The following CDC123 variants were observed in gnomAD, a reference collection of about 807,000 sequenced individuals.
CDC123 encodes translation initiation factor eIF2 assembly protein.
In CDC123, 37 loss-of-function variants were observed where a neutral mutation model predicts 54.4. That is an observed-to-expected ratio of 0.68 (90% confidence interval 0.52 to 0.89). CDC123 has a LOEUF of 0.89. CDC123 is among the 40% of genes least tolerant of loss of function. CDC123 has a pLI of 0.00. For missense variants in CDC123, 361 were observed against 412.1 expected (o/e 0.88, Z 1.07); for synonymous variants, 144 against 136.8 (o/e 1.05, Z -0.37).
At chr10:12,209,682 A>G (rs775891693) in intron 2 of CDC123, among the ~76,000 whole-genome samples, 1 of 152,176 alleles carries the variant, frequency 6.6e-6, no homozygotes, top group Non-Finnish European at 1.5e-5. Flanking sequence ...CTCCCACCTC[A>G]GCCCCCCAAA....
intron 2 of CDC123, among the ~76,000 whole-genome samples, chr10:12,200,889 T>C (rs1365646482): frequency 6.6e-6 from 1 of 151,790 alleles, no homozygotes; most frequent in Non-Finnish European, 1.5e-5. Flanking sequence ...GCCGAGATCA[T>C]GCCATTGCGC....
Position 12,229,056 on chromosome 10 carries a change from C to T in CDC123, c.441-1892C>T, listed in dbSNP as rs183443818. ...GTGAGTCACCAAGTGATCTTGCCTC[C>T]GCCTCTACGCTTCTCCTTTCTGTGT... On this transcript the variant is annotated intron_variant, in intron 6 of 12. Transcript: ENST00000281141. Among the ~76,000 whole-genome samples, 52 of 152,246 alleles carry T rather than the reference C, an allele frequency of 3.4e-4. 1 individual carries two copies. The highest frequency in any genetic ancestry group is 2.6e-4 in the Admixed American group (4 of 15,294).
chr10:12,216,117 C>T (rs1835660196), intron 5 of CDC123, among the ~76,000 whole-genome samples: 1 of 152,156 alleles, frequency 6.6e-6, no homozygotes. Context: ...CTTTTCAAAA[C>T]TTCAGCTGTT....
rs1251890167 is a variant in CDC123 at position 12,219,569 on chromosome 10, A to G, written c.440+2102A>G. Among the ~76,000 whole-genome samples, 3 of 152,332 alleles carry G rather than the reference A, an allele frequency of 2.0e-5. No individual in the cohort carries two copies. In the South Asian group the frequency reaches 6.2e-4, roughly 32 times the overall value. ...TTCATTCTAGGAGATACCCTCTGAA[A>G]AATAGAACAAAGTTGTGGCTCTTTT... On this transcript the variant is annotated intron_variant, in intron 6 of 12. Transcript: ENST00000281141.
chr10:12,244,544 C>G (rs983310633), intron 10 of CDC123, among the ~76,000 whole-genome samples: 1 of 152,166 alleles, frequency 6.6e-6, no homozygotes, highest in Non-Finnish European at 1.5e-5. Flanking sequence ...TCAAAGGTGA[C>G]CTTTCCCTGA....
At chr10:12,235,668 A>G (rs938444819) in intron 8 of CDC123, among the ~76,000 whole-genome samples, 26 of 152,298 alleles carry the variant, frequency 1.7e-4, no homozygotes, top group African/African-American at 6.0e-4. Flanking sequence ...GTTAATGCAT[A>G]TTTTCCATGA....
chr10:12,235,147 T>C, intron 8 of CDC123, 24 bp downstream of exon 8: 1 of 1,450,996 alleles, frequency 6.9e-7, no homozygotes. Context: ...TGTTTGTTTG[T>C]TTTATCCTTC....
intron 10 of CDC123, among the ~76,000 whole-genome samples, chr10:12,243,773 GACTCCATCTCAAA>G (rs1227505498): frequency 6.8e-6 from 1 of 146,628 alleles, no homozygotes; most frequent in Non-Finnish European, 1.5e-5. Flanking sequence ...GACAGAGCGA[GACTCCATCTCAAA>G]AAAAAAAAAA....
At chr10:12,239,225 C>G (rs1329154191) in intron 10 of CDC123, among the ~76,000 whole-genome samples, 1 of 152,034 alleles carries the variant, frequency 6.6e-6, no homozygotes, top group Non-Finnish European at 1.5e-5. Context: ...AAAATCTCCC[C>G]TTAAAATATA....
At position 12,216,931 on chromosome 10, in the gene CDC123, G is replaced by A. The variant is rs142177100; in HGVS notation, c.334-430G>A. Among the ~76,000 whole-genome samples, 313 of 152,280 alleles carry A rather than the reference G, an allele frequency of 2.1e-3. 1 individual carries two copies. Among genetic ancestry groups the A allele is most frequent in the African/African-American group, 6.8e-3 (281 of 41,536 alleles). On this transcript the variant is annotated intron_variant, in intron 5 of 12. Coordinates refer to ENST00000281141, the MANE Select transcript of CDC123 (RefSeq NM_006023.3). ...GACGTGGGGTGTAACTGCTCCAGCC[G>A]CCAAAGTTCAAGTGTTTGGCTGCCA...
chr10:12,240,475 C>G (rs1836042539), intron 10 of CDC123, among the ~76,000 whole-genome samples: 1 of 152,164 alleles, frequency 6.6e-6, no homozygotes, highest in Non-Finnish European at 1.5e-5. Context: ...TGATCATGTC[C>G]CAGAATAACT....
At position 12,249,681 on chromosome 10, in the gene CDC123, G is replaced by T. The variant is rs1181162781; in HGVS notation, c.947G>T (p.Gly316Val). Residue 316 changes from glycine to valine, a missense_variant, in exon 12 of 13, where the codon GGG becomes GTG. Physicochemically the swap from Gly to Val is moderately radical, Grantham distance 109 (BLOSUM62 -3). Coordinates refer to ENST00000281141, the MANE Select transcript of CDC123 (RefSeq NM_006023.3). Reference sequence around the variant, plus strand: ...AAGGACTTTGTAGACCTCTCTACTGGGGAGGACGCTCACAAGCTAATAGAC... The same window carrying T: ...AAGGACTTTGTAGACCTCTCTACTGTGGAGGACGCTCACAAGCTAATAGAC... ...LPKDFVDLST[G>V]EDAHKLIDFL... is the part of the protein sequence containing the mutation. 1.2e-6 allele frequency: 2 copies of T among 1,613,958 alleles called. No individual in the cohort carries two copies. Among genetic ancestry groups the T allele is most frequent in the African/African-American group, 2.7e-5 (2 of 74,918 alleles).
At chr10:12,235,189 T>C (rs1031511197) in intron 8 of CDC123, 66 bp downstream of exon 8, 43 of 1,394,780 alleles carry the variant, frequency 3.1e-5, no homozygotes, top group Non-Finnish European at 4.2e-5. Flanking sequence ...CAAGCTTTTG[T>C]TGGAAGTAAA....
chr10:12,234,127 C>G (rs1184945480), intron 7 of CDC123, among the ~76,000 whole-genome samples: 1 of 152,090 alleles, frequency 6.6e-6, no homozygotes, highest in Non-Finnish European at 1.5e-5. Flanking sequence ...GAGTTTTGCT[C>G]TGTCGCCCAG....
chr10:12,219,832 A>G (rs749373795), intron 6 of CDC123, among the ~76,000 whole-genome samples: 1 of 151,996 alleles, frequency 6.6e-6, no homozygotes, highest in Non-Finnish European at 1.5e-5. Flanking sequence ...TTACAGGCGC[A>G]TGGCTACCAC....
intron 2 of CDC123, among the ~76,000 whole-genome samples, chr10:12,209,720 T>G (rs1012676677): frequency 1.3e-5 from 2 of 152,062 alleles, no homozygotes; most frequent in Non-Finnish European, 1.5e-5. Flanking sequence ...GCATGCCACC[T>G]CGCCCAGCTA....
chr10:12,231,144 C>T lies in CDC123; in HGVS notation c.489+148C>T, dbSNP rs1427502175. On this transcript the variant is annotated intron_variant, in intron 7 of 12. Coordinates refer to ENST00000281141, the MANE Select transcript of CDC123 (RefSeq NM_006023.3). ...TGAAATTTTAAATTTATGAAATATA[C>T]ACATAAAAGGATATATATTATATAT... 3 of 642,560 alleles carry T rather than the reference C, an allele frequency of 4.7e-6. No homozygotes were observed. The African/African-American group carries it at 5.5e-5, about 12-fold the overall frequency. 39.8% of individuals were successfully genotyped at this position (642,560 alleles called of 1,614,324 possible). A position where few individuals can be genotyped will look rare whatever the true frequency, so the allele number is the denominator to read the frequency against.
intron 10 of CDC123, among the ~76,000 whole-genome samples, chr10:12,241,646 C>T (rs1353552156): frequency 6.6e-6 from 1 of 152,048 alleles, no homozygotes; most frequent in East Asian, 1.9e-4. Flanking sequence ...TTTTGTAAAT[C>T]AGTTTATTTA....
chr10:12,231,214 A>G (rs1207577681), intron 7 of CDC123, among the ~76,000 whole-genome samples: 1 of 152,270 alleles, frequency 6.6e-6, no homozygotes, highest in African/African-American at 2.4e-5. Context: ...CACTTGCTAC[A>G]GGATATACGC....
Sources: gnomAD v4.1 joint callset for allele counts (sites outside exome capture counted in the v4.1 genomes callset) on GRCh38, gnomAD v4.1.1 for gene constraint, MANE v1.5 for transcripts, NCBI Gene and HGNC (gene_info 2026-07-23, HGNC 2026-07-21) for gene names.